Variants in DNM2 observed in about 807,000 individuals in gnomAD.
The protein encoded by DNM2 is dynamin-2.
DNM2 carries 15 observed loss-of-function variants against 99.0 expected under a neutral mutation model. The observed-to-expected ratio is 0.15, with a 90% CI of 0.10 to 0.23. DNM2 has a LOEUF of 0.23. DNM2 is among the 10% of genes least tolerant of loss of function. DNM2 has a pLI of 1.00. For synonymous variants in DNM2, 525 were observed against 481.2 expected, an observed-to-expected ratio of 1.09 and a Z score of -1.19; for missense variants, 742 against 1,189.4, an observed-to-expected ratio of 0.62 and a Z score of 5.53.
Position 10,796,243 on chromosome 19 carries a change from G to T in DNM2, c.1196+804G>T. 2 of 1,613,040 alleles carry T rather than the reference G, an allele frequency of 1.2e-6. No individual in the cohort carries two copies. Among genetic ancestry groups the T allele is most frequent in the African/African-American group, 1.3e-5 (1 of 74,992 alleles). On this transcript the variant is annotated intron_variant, in intron 9 of 20. Coordinates refer to ENST00000389253, the MANE Select transcript of DNM2 (RefSeq NM_001005361.3). This position sits in a 1 kb window ranked among gnomAD's most constrained non-coding sequence, Gnocchi z 5.6. ...GGTGACTCCTGACCTTGTGGAAACG[G>T]GGGTACGGGGGTTTGGTATCAGGCT... is the stretch of plus-strand genomic sequence containing the variant.
At chr19:10,746,028 G>A (rs1418013748) in intron 1 of DNM2, among the ~76,000 whole-genome samples, 1 of 152,142 alleles carries the variant, frequency 6.6e-6, no homozygotes, top group South Asian at 2.1e-4. Context: ...GCATGATCTT[G>A]GCTCACTGCA....
chr19:10,785,533 C>T (rs895980692), intron 6 of DNM2, among the ~76,000 whole-genome samples: 3 of 152,142 alleles, frequency 2.0e-5, no homozygotes, highest in African/African-American at 7.2e-5. Context: ...TGTACTCAAG[C>T]GATCCTTTTG....
chr19:10,774,783 T>TA (rs929350845), intron 3 of DNM2, among the ~76,000 whole-genome samples: 28 of 149,722 alleles, frequency 1.9e-4, no homozygotes, highest in African/African-American at 6.4e-4. Flanking sequence ...ATATTTATTT[T>TA]TTTTTTTTTT....
At chr19:10,793,996 A>C in intron 8 of DNM2, 141 bp downstream of exon 8, 1 of 1,385,248 alleles carries the variant, frequency 7.2e-7, no homozygotes, top group Non-Finnish European at 1.0e-6. Context: ...TGTGGCCTGG[A>C]TGAGGTGTCC....
At chr19:10,782,805 C>T (rs1007781841) in intron 5 of DNM2, among the ~76,000 whole-genome samples, 155 bp from the exon 6 acceptor site, 3 of 152,224 alleles carry the variant, frequency 2.0e-5, no homozygotes, top group Admixed American at 6.5e-5. Context: ...CATGTGCATT[C>T]GCACCCTCTG....
chr19:10,719,104 C>G (rs1328391640), intron 1 of DNM2, among the ~76,000 whole-genome samples: 1 of 152,160 alleles, frequency 6.6e-6, no homozygotes, highest in East Asian at 1.9e-4. Flanking sequence ...CTGGCTGACT[C>G]TTACAGCTTG....
chr19:10,792,311 C>T (rs755610384), intron 7 of DNM2, among the ~76,000 whole-genome samples: 4 of 152,130 alleles, frequency 2.6e-5, no homozygotes, highest in Non-Finnish European at 5.9e-5. Flanking sequence ...ACAGTGGTCA[C>T]CATTTGAGCA....
intron 1 of DNM2, among the ~76,000 whole-genome samples, chr19:10,733,175 C>T (rs1375887927): frequency 6.2e-5 from 9 of 145,890 alleles, no homozygotes; most frequent in Middle Eastern, 6.9e-3. Flanking sequence ...TGAGCCACCG[C>T]GCCTGGGCTG....
chr19:10,812,007 C>T lies in DNM2; in HGVS notation c.1558-257C>T, dbSNP rs751229840. The T allele has an allele frequency of 4.0e-6, 2 of 497,198 alleles. No homozygotes were observed. The highest frequency in any genetic ancestry group is 3.1e-5 in the South Asian group (2 of 64,928). The allele number at this position is 497,198 out of a possible 1,614,324, so 30.8% of individuals were successfully genotyped here. A position where few individuals can be genotyped will look rare whatever the true frequency, so the allele number is the denominator to read the frequency against. ...CTCCCATGGGCCCCTTTCCATCAGGCCTCTGTGAGTCTATACCCCATCAGC... is the reference window on the plus strand; with the variant it reads ...CTCCCATGGGCCCCTTTCCATCAGGTCTCTGTGAGTCTATACCCCATCAGC... On this transcript the variant is annotated intron_variant, in intron 14 of 20. Coordinates refer to ENST00000389253, the MANE Select transcript of DNM2 (RefSeq NM_001005361.3). This position sits in a 1 kb window ranked among gnomAD's most constrained non-coding sequence, Gnocchi z 4.0.
At chr19:10,733,484 C>T (rs2069411831) in intron 1 of DNM2, among the ~76,000 whole-genome samples, 2 of 151,948 alleles carry the variant, frequency 1.3e-5, no homozygotes, top group Non-Finnish European at 2.9e-5. Flanking sequence ...TGAGCCACAA[C>T]GCCCTGCCTA....
At chr19:10,790,339 A>G (rs985447398) in intron 7 of DNM2, among the ~76,000 whole-genome samples, 7 of 152,124 alleles carry the variant, frequency 4.6e-5, no homozygotes, top group African/African-American at 1.7e-4. Context: ...GATGCTTGTA[A>G]GTTCATCTGT....
intron 2 of DNM2, among the ~76,000 whole-genome samples, chr19:10,769,137 G>A (rs1399406219): frequency 6.6e-6 from 1 of 152,152 alleles, no homozygotes; most frequent in Non-Finnish European, 1.5e-5. Context: ...TGCTCAGACC[G>A]TAGCTGTGCT....
chr19:10,731,798 C>T (rs1308401964), intron 1 of DNM2, among the ~76,000 whole-genome samples: 4 of 152,220 alleles, frequency 2.6e-5, no homozygotes, highest in Admixed American at 1.3e-4. Context: ...GTTGTCTGGG[C>T]GGAAGCCAGT....
intron 1 of DNM2, among the ~76,000 whole-genome samples, chr19:10,719,868 TG>T (rs1366922841): frequency 1.3e-5 from 2 of 152,248 alleles, no homozygotes; most frequent in Non-Finnish European, 1.5e-5. Context: ...GCCACTAGGC[TG>T]GCGTAAGGCC....
intron 1 of DNM2, among the ~76,000 whole-genome samples, chr19:10,751,720 C>T (rs915701025): frequency 2.0e-5 from 3 of 152,266 alleles, no homozygotes; most frequent in African/African-American, 4.8e-5. Flanking sequence ...ATGCGAGGCC[C>T]TCTGCGCCTG....
intron 1 of DNM2, among the ~76,000 whole-genome samples, chr19:10,738,665 C>T (rs2069621651): frequency 1.3e-5 from 2 of 151,454 alleles, no homozygotes; most frequent in African/African-American, 4.9e-5. Flanking sequence ...AGTTGAAGAC[C>T]ATCCTGGCCA....
At chr19:10,736,580 G>T (rs2069535113) in intron 1 of DNM2, among the ~76,000 whole-genome samples, 2 of 152,170 alleles carry the variant, frequency 1.3e-5, no homozygotes, top group Non-Finnish European at 2.9e-5. Context: ...GTATTAGTAC[G>T]TGGAAAGCCA....
intron 1 of DNM2, among the ~76,000 whole-genome samples, chr19:10,724,205 T>C (rs2145671931): frequency 6.6e-6 from 1 of 151,836 alleles, no homozygotes; most frequent in Non-Finnish European, 1.5e-5. Context: ...TGAGACGGAG[T>C]CTCACTCTGT....
intron 2 of DNM2, among the ~76,000 whole-genome samples, chr19:10,769,061 G>A (rs369156006): frequency 2.6e-5 from 4 of 152,240 alleles, no homozygotes; most frequent in African/African-American, 9.6e-5. Flanking sequence ...CTGGGGGAAC[G>A]ATGGCGCCCA....
Sources: allele counts gnomAD v4.1 joint callset (sites outside exome capture counted in the v4.1 genomes callset), GRCh38; gene constraint gnomAD v4.1.1; non-coding constraint Gnocchi (gnomAD v3.1); transcripts MANE v1.5; gene names NCBI Gene and HGNC (gene_info 2026-07-23, HGNC 2026-07-21).